Variants in EPM2A observed in about 807,000 individuals in gnomAD.
EPM2A encodes EPM2A glucan phosphatase, laforin.
A neutral mutation model predicts 26.5 loss-of-function variants in EPM2A; 21 were observed. That is an observed-to-expected ratio of 0.79 (90% CI 0.56 to 1.14). The LOEUF (loss-of-function observed/expected upper bound fraction) is 1.14. EPM2A is among the 50% of genes most tolerant of loss of function. The probability of loss-of-function intolerance (pLI) is 0.00; values close to 1 mark genes in which losing one functional copy is unlikely to be tolerated. For missense variants in EPM2A, 458 were observed against 440.8 expected (o/e 1.04, Z -0.35); for synonymous variants, 217 against 177.6 (o/e 1.22, Z -1.76).
chr6:145,578,045 CA>C (rs1255098673), intron 2 of EPM2A, among the ~76,000 whole-genome samples: 3 of 151,646 alleles, frequency 2.0e-5, no homozygotes, highest in Non-Finnish European at 4.4e-5. Context: ...TGGGTTATAG[CA>C]AAAGAAGTAC....
chr6:145,679,842 A>C (rs1340145581), intron 2 of EPM2A, among the ~76,000 whole-genome samples: 3 of 152,206 alleles, frequency 2.0e-5, no homozygotes, highest in Non-Finnish European at 2.9e-5. Context: ...GGAGCTTTAA[A>C]CATCTGCGAA....
intron 2 of EPM2A, among the ~76,000 whole-genome samples, chr6:145,577,198 G>A (rs2114831773): frequency 6.6e-6 from 1 of 152,102 alleles, no homozygotes; most frequent in East Asian, 1.9e-4. Flanking sequence ...AACATTTCAT[G>A]TAAATGGACT....
At chr6:145,441,187 A>C (rs1380181892) in intron 4 of EPM2A, among the ~76,000 whole-genome samples, 1 of 152,204 alleles carries the variant, frequency 6.6e-6, no homozygotes, top group Non-Finnish European at 1.5e-5. Flanking sequence ...CACCACATGG[A>C]AGCTGCCAAG....
chr6:145,561,269 A>G (rs532321499), intron 2 of EPM2A, among the ~76,000 whole-genome samples: 157 of 151,846 alleles, frequency 1.0e-3, no homozygotes, highest in South Asian at 3.5e-3. Flanking sequence ...AATACACTAC[A>G]CCATAGAGCC....
intron 2 of EPM2A, among the ~76,000 whole-genome samples, chr6:145,681,358 T>C (rs1371728214): frequency 6.6e-6 from 1 of 151,460 alleles, no homozygotes; most frequent in Non-Finnish European, 1.5e-5. Context: ...TTCACTCTGA[T>C]GGTAGTTTCT....
chr6:145,617,241 G>A (rs1775532953), intron 2 of EPM2A, among the ~76,000 whole-genome samples: 1 of 152,102 alleles, frequency 6.6e-6, no homozygotes, highest in Non-Finnish European at 1.5e-5. Context: ...CCCTGCACAA[G>A]TTTTCTTCTT....
At position 145,494,874 on chromosome 6, in the gene EPM2A, T is replaced by G. The variant is rs552859570; in HGVS notation, c.555+7648A>C. Among the ~76,000 whole-genome samples, 5 of 152,330 alleles carry G rather than the reference T, an allele frequency of 3.3e-5. No individual in the cohort carries two copies. In the South Asian group the frequency reaches 1.0e-3, roughly 32 times the overall value. On this transcript the variant is annotated intron_variant, in intron 4 of 4. Transcript: ENST00000638717. ...GACTGTTTGTTTTGATTTCAGTGTT[T>G]TTTTCTGCATTTGCTGAGAAGTGTT...
intron 2 of EPM2A, among the ~76,000 whole-genome samples, chr6:145,576,372 C>T (rs1006134321): frequency 1.6e-5 from 1 of 62,680 alleles, no homozygotes; most frequent in African/African-American, 4.8e-5. Flanking sequence ...GGAAATGAGG[C>T]CTTAGGGGCA....
intron 2 of EPM2A, among the ~76,000 whole-genome samples, chr6:145,506,217 GT>G (rs1320081461): frequency 6.6e-6 from 1 of 152,146 alleles, no homozygotes; most frequent in Non-Finnish European, 1.5e-5. Flanking sequence ...GTTTATTTTT[GT>G]TTTTAAATGA....
chr6:145,723,963 G>A (rs1562524365), intron 1 of EPM2A, among the ~76,000 whole-genome samples: 1 of 152,138 alleles, frequency 6.6e-6, no homozygotes, highest in South Asian at 2.1e-4. Flanking sequence ...TCTGAAAATT[G>A]TAAGCCAGAC....
intron 4 of EPM2A, among the ~76,000 whole-genome samples, chr6:145,393,258 G>T (rs1174449471): frequency 6.6e-6 from 1 of 152,032 alleles, no homozygotes; most frequent in African/African-American, 2.4e-5. Flanking sequence ...GGAATAAACT[G>T]CAAAACTCAT....
intron 2 of EPM2A, among the ~76,000 whole-genome samples, chr6:145,523,698 G>A (rs935156423): frequency 6.6e-6 from 1 of 152,022 alleles, no homozygotes; most frequent in Non-Finnish European, 1.5e-5. Flanking sequence ...ATTGAAATTA[G>A]GCCAAGTAAT....
At chr6:145,429,679 C>T (rs971499259) in intron 4 of EPM2A, among the ~76,000 whole-genome samples, 2 of 152,066 alleles carry the variant, frequency 1.3e-5, no homozygotes, top group African/African-American at 2.4e-5. Flanking sequence ...AATACATGTA[C>T]ATTATTGTGA....
chr6:145,465,208 G>C lies in EPM2A; in HGVS notation c.555+37314C>G, dbSNP rs538873303. On this transcript the variant is annotated intron_variant, in intron 4 of 4. Transcript: ENST00000638717. ...CTTTTTTCTCTAAACTTCCCTTCTC[G>C]CTTCATTTCATTCATCTTCCATCGC... is the stretch of plus-strand genomic sequence containing the variant. Among the ~76,000 whole-genome samples the C allele has an allele frequency of 7.6e-3, 1,155 of 151,770 alleles. 12 individuals are homozygous for C. Among genetic ancestry groups the C allele is most frequent in the African/African-American group, 0.026 (1,084 of 41,384 alleles).
At chr6:145,698,654 G>T (rs1781750464) in intron 1 of EPM2A, among the ~76,000 whole-genome samples, 1 of 151,568 alleles carries the variant, frequency 6.6e-6, no homozygotes, top group South Asian at 2.1e-4. Context: ...ATTTAATCGT[G>T]CATTTTTTAA....
chr6:145,586,753 T>A (rs1340065939), intron 2 of EPM2A, among the ~76,000 whole-genome samples: 1 of 152,124 alleles, frequency 6.6e-6, no homozygotes, highest in African/African-American at 2.4e-5. Context: ...CTAACCTAAC[T>A]TGCAAACAGA....
At chr6:145,648,888 T>C (rs1777676342) in intron 2 of EPM2A, among the ~76,000 whole-genome samples, 1 of 152,194 alleles carries the variant, frequency 6.6e-6, no homozygotes, top group African/African-American at 2.4e-5. Flanking sequence ...ATTTACCTCA[T>C]TGAAATGAAA....
intron 2 of EPM2A, among the ~76,000 whole-genome samples, chr6:145,509,420 T>C (rs1033334932): frequency 1.1e-4 from 16 of 152,130 alleles, no homozygotes; most frequent in Admixed American, 2.0e-4. Flanking sequence ...CCAGAAAAGA[T>C]TGGGGGCCCA....
At chr6:145,671,466 G>A in intron 2 of EPM2A, 5 of 769,334 alleles carry the variant, frequency 6.5e-6, no homozygotes, top group Non-Finnish European at 7.9e-6. Flanking sequence ...GGCAAAATGT[G>A]ATATAAGCCT....
Sources: allele counts gnomAD v4.1 joint callset (sites outside exome capture counted in the v4.1 genomes callset), GRCh38; gene constraint gnomAD v4.1.1; transcripts MANE v1.5; gene names NCBI Gene and HGNC (gene_info 2026-07-23, HGNC 2026-07-21).